Variants in DONSON observed in about 807,000 individuals in gnomAD.
DONSON encodes protein downstream neighbor of Son.
Under a neutral mutation model 62.1 loss-of-function variants are expected in DONSON, and 43 were observed. That is an observed-to-expected ratio of 0.69 (90% CI 0.54 to 0.89). DONSON has a LOEUF of 0.89. Among genes scored for constraint, DONSON ranks in the 40% least tolerant of loss-of-function variants. DONSON has a pLI of 0.00. For missense variants in DONSON, 696 were observed against 697.5 expected (o/e 1.00, Z 0.03); for synonymous variants, 266 against 264.6 (o/e 1.01, Z -0.05).
At chr21:33,586,986 T>C (rs184183333) in intron 2 of DONSON, among the ~76,000 whole-genome samples, 20 of 152,270 alleles carry the variant, frequency 1.3e-4, no homozygotes, top group Non-Finnish European at 2.2e-4. Context: ...GGGGGAACTA[T>C]CTTGGATAGA....
rs150130825 is a variant in DONSON, at chr21:33,580,995, C to T, written c.1350+307G>A. On this transcript the variant is annotated intron_variant, in intron 8 of 9. Coordinates refer to ENST00000303071, the MANE Select transcript of DONSON (RefSeq NM_017613.4). ...AGGCTGAGGCATGGCGCGAGAATCACTTGAACCCGGGAGGCAGGGGTTGCA... is the reference window on the plus strand; with the variant it reads ...AGGCTGAGGCATGGCGCGAGAATCATTTGAACCCGGGAGGCAGGGGTTGCA... Among the ~76,000 whole-genome samples, 286 of 152,198 alleles carry T rather than the reference C, an allele frequency of 1.9e-3. 1 individual carries two copies. Among genetic ancestry groups the T allele is most frequent in the African/African-American group, 6.7e-3 (280 of 41,520 alleles).
intron 2 of DONSON, among the ~76,000 whole-genome samples, chr21:33,586,795 T>G (rs865785376): frequency 5.3e-5 from 8 of 152,170 alleles, no homozygotes; most frequent in Middle Eastern, 3.4e-3. Context: ...CCACCACGCC[T>G]GGCTAATTTT....
intron 1 of DONSON, among the ~76,000 whole-genome samples, chr21:33,588,062 C>CT (rs2145909413): frequency 6.6e-6 from 1 of 152,328 alleles, no homozygotes; most frequent in South Asian, 2.1e-4. Context: ...TCGCTGCCCT[C>CT]TGGGGCCCCC....
intron 4 of DONSON, among the ~76,000 whole-genome samples, chr21:33,584,257 A>C (rs1251547809): frequency 1.3e-5 from 2 of 151,576 alleles, no homozygotes; most frequent in African/African-American, 4.8e-5. Flanking sequence ...CGTGTTAGCC[A>C]GGATGGTCTC....
At chr21:33,578,973 A>AAT (rs1439453966) in intron 9 of DONSON, among the ~76,000 whole-genome samples, 1 of 152,074 alleles carries the variant, frequency 6.6e-6, no homozygotes, top group Non-Finnish European at 1.5e-5. Context: ...CCCCGTCTCT[A>AAT]ATAAAGATAC....
chr21:33,587,696 T>A (rs1007415977), intron 1 of DONSON, 94 bp from the exon 2 acceptor site: 36 of 772,518 alleles, frequency 4.7e-5, no homozygotes, highest in Admixed American at 3.1e-4. Flanking sequence ...TGTTTCTCAA[T>A]AAACGCAAGT....
Position 33,581,385 on chromosome 21 carries a change from C to T in DONSON, c.1267G>A (p.Ala423Thr). The T allele has an allele frequency of 6.2e-7, 1 of 1,614,096 alleles. No individual in the cohort carries two copies. Among genetic ancestry groups the T allele is most frequent in the Non-Finnish European group, 8.5e-7 (1 of 1,180,020 alleles). Residue 423 changes from alanine to threonine, a missense_variant, in exon 8 of 10, where the codon GCT (alanine) becomes ACT (threonine). Transcript: ENST00000303071. Reference protein sequence around the residue: ...NFLINSKSLVATSGPQAGLPP... With the variant: ...NFLINSKSLVTTSGPQAGLPP... ...AGTCCTGCCTGTGGACCTGAGGTAGCAACTAAACTCTTAGAGTTAATCAAA... is the reference window on the plus strand; with the variant it reads ...AGTCCTGCCTGTGGACCTGAGGTAGTAACTAAACTCTTAGAGTTAATCAAA...
chr21:33,578,217 T>A lies in DONSON; in HGVS notation c.*90A>T. On this transcript the variant is annotated 3_prime_UTR_variant, in exon 10 of 10. Transcript: ENST00000303071. Reference sequence around the variant, plus strand: ...TAGTAAAAGTTATGTTTATAAACATTTCAGTATATTCCTTCAACTTCAAGA... The same window carrying A: ...TAGTAAAAGTTATGTTTATAAACATATCAGTATATTCCTTCAACTTCAAGA... 2.2e-6 allele frequency: 3 copies of A among 1,385,166 alleles called. No homozygotes were observed. The highest frequency in any genetic ancestry group is 2.5e-4 in the Middle Eastern group (1 of 3,942). The allele number at this position is 1,385,166 out of a possible 1,614,324, so 85.8% of individuals were successfully genotyped here. A position where few individuals can be genotyped will look rare whatever the true frequency, so the allele number is the denominator to read the frequency against.
At chr21:33,584,904 G>A (rs772945099) in intron 3 of DONSON, 136 bp from the exon 4 acceptor site, 3 of 708,116 alleles carry the variant, frequency 4.2e-6, no homozygotes, top group African/African-American at 3.6e-5. Context: ...AATTGTTATA[G>A]GAACGAAAAC....
chr21:33,588,448 C>T lies in DONSON; in HGVS notation c.194G>A (p.Gly65Asp). The T allele has an allele frequency of 1.5e-6, 2 of 1,307,810 alleles. No individual in the cohort carries two copies. Among genetic ancestry groups the T allele is most frequent in the Non-Finnish European group, 1.9e-6 (2 of 1,029,204 alleles). 81.0% of individuals were successfully genotyped at this position (1,307,810 alleles called of 1,614,324 possible). A position where few individuals can be genotyped will look rare whatever the true frequency, so the allele number is the denominator to read the frequency against. Residue 65 changes from glycine to aspartate, a missense_variant, in exon 1 of 10, where the codon GGC becomes GAC. Physicochemically the swap from Gly to Asp is moderately conservative, Grantham distance 94. Coordinates refer to ENST00000303071, the MANE Select transcript of DONSON (RefSeq NM_017613.4). ...GGCCGGGCCGCCGCCGCTGCCACCG[C>T]CTCTGCCCCCCGCAGCAGGGAAAGG... ...LRPFPAAGGRGGGSGGGPAAA... is the reference protein window; with the variant it reads ...LRPFPAAGGRDGGSGGGPAAA...
Position 33,579,441 on chromosome 21 carries a change from G to GA in DONSON, c.1471dup (p.Ser491PhefsTer20), listed in dbSNP as rs1174212808. On this transcript the variant is annotated frameshift_variant, in exon 9 of 10. Transcript: ENST00000303071. LOFTEE classifies it high-confidence loss of function. Reference sequence around the variant, plus strand: ...TACTGCAGAGAAAGATCCACTCTGTGAAGATTTGAGCAGCATGGTCAGTGA... The same window carrying GA: ...TACTGCAGAGAAAGATCCACTCTGTGAAAGATTTGAGCAGCATGGTCAGTGA... 2 of 1,614,202 alleles carry GA rather than the reference G, an allele frequency of 1.2e-6. No homozygotes were observed.
intron 8 of DONSON, among the ~76,000 whole-genome samples, chr21:33,579,975 A>AG: frequency 6.6e-6 from 1 of 151,758 alleles, no homozygotes; most frequent in Non-Finnish European, 1.5e-5. Flanking sequence ...TGGGCAGATC[A>AG]CTTGAGGTCA....
chr21:33,578,102 T>G lies in DONSON; in HGVS notation c.*205A>C, dbSNP rs930173792. On this transcript the variant is annotated 3_prime_UTR_variant, in exon 10 of 10. Coordinates refer to ENST00000303071, the MANE Select transcript of DONSON (RefSeq NM_017613.4). ...CAATTAGGTTGTAGGGATATAGATA[T>G]CTCATTTGAGTTATCTGAGTTTTTC... is the stretch of plus-strand genomic sequence containing the variant. 1 of 512,662 alleles carries G rather than the reference T, an allele frequency of 2.0e-6. No individual in the cohort carries two copies. Among genetic ancestry groups the G allele is most frequent in the African/African-American group, 1.9e-5 (1 of 51,896 alleles). The allele number at this position is 512,662 out of a possible 1,614,324, so 31.8% of individuals were successfully genotyped here. A position where few individuals can be genotyped will look rare whatever the true frequency, so the allele number is the denominator to read the frequency against.
intron 8 of DONSON, among the ~76,000 whole-genome samples, chr21:33,580,985 G>A (rs755193305): frequency 3.9e-5 from 6 of 152,068 alleles, no homozygotes; most frequent in African/African-American, 9.7e-5. Flanking sequence ...GAGGCATGGC[G>A]CGAGAATCAC....
chr21:33,587,299 G>A (rs1225991118), intron 2 of DONSON: 68 of 934,288 alleles, frequency 7.3e-5, no homozygotes, highest in Non-Finnish European at 8.0e-5. Flanking sequence ...CTATTTTAGC[G>A]CTGGCTATCT....
At position 33,581,460 on chromosome 21, in the gene DONSON, C is replaced by G. The variant is rs775808423; in HGVS notation, c.1192G>C (p.Glu398Gln). ...KHEVQMDHRP[E>Q]SVVLVKGINT... The stretch of plus-strand genomic sequence containing the variant: ...ATTCCTTTTACCAACACAACAGATT[C>G]AGGTCTGTGATCCATTTGTACTTCA... Residue 398 changes from glutamate to glutamine, a missense_variant, in exon 8 of 10, where the codon GAA becomes CAA. By Grantham distance (29) the Glu-to-Gln change is conservative. Coordinates refer to ENST00000303071, the MANE Select transcript of DONSON (RefSeq NM_017613.4). The G allele has an allele frequency of 1.2e-5, 20 of 1,613,800 alleles. No individual in the cohort carries two copies. Among genetic ancestry groups the G allele is most frequent in the African/African-American group, 2.7e-5 (2 of 74,898 alleles).
chr21:33,578,455 G>C lies in DONSON; in HGVS notation c.1564-11C>G, dbSNP rs1462383775. 1.2e-6 allele frequency: 2 copies of C among 1,610,332 alleles called. No homozygotes were observed. Among genetic ancestry groups the C allele is most frequent in the Non-Finnish European group, 1.7e-6 (2 of 1,178,052 alleles). ...CTTATGAACAACCTCCTGTGGAAAT[G>C]TGTGTACAAGTCAGTAAAAAGCACA... On this transcript the variant is annotated splice_polypyrimidine_tract_variant and intron_variant, in intron 9 of 9. Coordinates refer to ENST00000303071, the MANE Select transcript of DONSON (RefSeq NM_017613.4).
intron 5 of DONSON, among the ~76,000 whole-genome samples, chr21:33,583,217 A>AAAAAAAAAAAAAAAC (rs2086536263): frequency 7.0e-6 from 1 of 143,590 alleles, no homozygotes; most frequent in Non-Finnish European, 1.5e-5. Flanking sequence ...AAAAAAAAAA[A>AAAAAAAAAAAAAAAC]AAAAAAAAGA....
chr21:33,582,216 T>C lies in DONSON; in HGVS notation c.995A>G (p.Glu332Gly). ...TGCTGTCTCCTTCTTATGGCCACTT[T>C]CTTTTATTAAAGGCAGAGAAAATTC... is the stretch of plus-strand genomic sequence containing the variant. ...GIEFSLPLIKESGHKKETASG... is the reference protein window; with the variant it reads ...GIEFSLPLIKGSGHKKETASG... Residue 332 changes from glutamate (E) to glycine (G), a missense_variant, in exon 6 of 10, where the codon GAA (glutamate) becomes GGA (glycine). By Grantham distance (98) the Glu-to-Gly change is moderately conservative. Transcript: ENST00000303071. The C allele has an allele frequency of 1.2e-6, 2 of 1,614,058 alleles. No individual in the cohort carries two copies. Among genetic ancestry groups the C allele is most frequent in the Admixed American group, 1.7e-5 (1 of 60,024 alleles).
Sources: allele counts gnomAD v4.1 joint callset (sites outside exome capture counted in the v4.1 genomes callset), GRCh38; gene constraint gnomAD v4.1.1; transcripts MANE v1.5; gene names NCBI Gene and HGNC (gene_info 2026-07-23, HGNC 2026-07-21).